Variants in CCDC149 observed in about 807,000 individuals in gnomAD.
CCDC149 encodes coiled-coil domain containing 149.
In CCDC149, 45 loss-of-function variants were observed where a neutral mutation model predicts 59.9. The observed-to-expected ratio is 0.75, with a 90% CI of 0.59 to 0.96. The LOEUF (loss-of-function observed/expected upper bound fraction) is 0.96, where lower values mean the gene tolerates loss of function less well. Among genes scored for constraint, CCDC149 ranks in the 40% least tolerant of loss-of-function variants. CCDC149 has a pLI of 0.00. For synonymous variants in CCDC149, 245 were observed against 260.6 expected (o/e 0.94, Z 0.58); for missense variants, 584 against 664.7 (o/e 0.88, Z 1.33).
intron 1 of CCDC149, chr4:24,895,163 G>T: frequency 2.6e-6 from 2 of 756,864 alleles, no homozygotes; most frequent in Non-Finnish European, 4.5e-6. Context: ...GATACTGGAA[G>T]TCAGAATAAT....
In CCDC149 at chr4:24,912,823, C is replaced by T. The variant is rs747282500; in HGVS notation, c.57G>A (p.Val19=). 16 of 1,360,022 alleles carry T rather than the reference C, an allele frequency of 1.2e-5. No homozygotes were observed. The highest frequency in any genetic ancestry group is 1.2e-5 in the Non-Finnish European group (13 of 1,041,850). The allele number at this position is 1,360,022 out of a possible 1,614,324, so 84.2% of individuals were successfully genotyped here. Residue 19 remains valine (V), a synonymous_variant, in exon 1 of 13, where the codon GTG becomes GTA. Coordinates refer to ENST00000635206, the MANE Select transcript of CCDC149 (RefSeq NM_001330643.2). The stretch of plus-strand genomic sequence containing the variant: ...GCCGGCGCCGCGGCCTCACCTCGCT[C>T]ACCAGCCCCTGCCAGTCGCTCTCAG...
At chr4:24,904,207 C>T (rs1721342394) in intron 1 of CCDC149, among the ~76,000 whole-genome samples, 1 of 152,142 alleles carries the variant, frequency 6.6e-6, no homozygotes, top group South Asian at 2.1e-4. Context: ...AATATGTGCA[C>T]ATTTTAATAT....
rs1577368184 is a variant in CCDC149 at position 24,807,547 on chromosome 4, C to T, written c.*842G>A. ...CCAAACCTGAAATGGCCATACAATC[C>T]TGTATGTGAGACAGGCTGAATGCAG... is the stretch of plus-strand genomic sequence containing the variant. On this transcript the variant is annotated 3_prime_UTR_variant, in exon 13 of 13. Coordinates refer to ENST00000635206, the MANE Select transcript of CCDC149 (RefSeq NM_001330643.2). The T allele has an allele frequency of 6.6e-6, 1 of 152,258 alleles. No homozygotes were observed. The highest frequency in any genetic ancestry group is 2.4e-5 in the African/African-American group (1 of 41,532). 9.4% of individuals were successfully genotyped at this position (152,258 alleles called of 1,614,324 possible).
At chr4:24,909,568 G>C (rs564730392) in intron 1 of CCDC149, among the ~76,000 whole-genome samples, 28 of 152,276 alleles carry the variant, frequency 1.8e-4, no homozygotes, top group African/African-American at 6.5e-4. Context: ...TTAGTTTCTT[G>C]TGGCTGCTTG....
At chr4:24,962,487 C>T (rs555905685) in intron 1 of CCDC149, among the ~76,000 whole-genome samples, 6 of 152,266 alleles carry the variant, frequency 3.9e-5, no homozygotes, top group East Asian at 1.9e-4. Context: ...CTATACCCAG[C>T]GGACTATCCG....
At chr4:24,944,293 G>T (rs1368604586) in intron 1 of CCDC149, among the ~76,000 whole-genome samples, 1 of 151,758 alleles carries the variant, frequency 6.6e-6, no homozygotes, top group Non-Finnish European at 1.5e-5. Flanking sequence ...GCAAACTATC[G>T]CAAGGACTAA....
intron 12 of CCDC149, among the ~76,000 whole-genome samples, chr4:24,812,778 T>C (rs1714712508): frequency 6.6e-6 from 1 of 152,212 alleles, no homozygotes; most frequent in Non-Finnish European, 1.5e-5. Context: ...ACATCTTATA[T>C]GGCAGCAGGC....
intron 1 of CCDC149, chr4:24,894,927 A>G (rs2109294427): frequency 2.6e-6 from 4 of 1,529,922 alleles, no homozygotes; most frequent in East Asian, 2.5e-5. Flanking sequence ...GATAGTGGGG[A>G]AAAATACAGC....
intron 4 of CCDC149, among the ~76,000 whole-genome samples, chr4:24,843,148 A>G (rs1002469137): frequency 4.6e-5 from 7 of 152,250 alleles, no homozygotes; most frequent in African/African-American, 1.2e-4. Context: ...ATCACTGTCC[A>G]TGTAACTTCA....
At chr4:24,916,926 C>T (rs922337937), upstream of CCDC149, among the ~76,000 whole-genome samples, 7 of 152,046 alleles carry the variant, frequency 4.6e-5, no homozygotes, top group African/African-American at 9.7e-5. Context: ...TTCATTTGCT[C>T]TTGGTTTTAA....
At chr4:24,893,612 A>AATTTTTT (rs1560241640) in intron 1 of CCDC149, among the ~76,000 whole-genome samples, 2 of 9,376 alleles carry the variant, frequency 2.1e-4, no homozygotes, top group Non-Finnish European at 2.3e-4. Context: ...TAAAATACAG[A>AATTTTTT]CTTTTTTTTT....
chr4:24,903,024 CAAAA>C (rs10646050), intron 1 of CCDC149, among the ~76,000 whole-genome samples: 641 of 52,480 alleles, frequency 0.012, 6 homozygotes, highest in Middle Eastern at 0.017. Context: ...GAGTCTAACT[CAAAA>C]AAAAAAAAAA....
At chr4:24,954,753 C>A (rs1723413860) in intron 1 of CCDC149, among the ~76,000 whole-genome samples, 2 of 152,300 alleles carry the variant, frequency 1.3e-5, no homozygotes, top group African/African-American at 4.8e-5. Flanking sequence ...ATAAGCATGG[C>A]AGCACTGAAG....
Position 24,888,902 on chromosome 4 carries a change from T to C in CCDC149, c.64-12205A>G, listed in dbSNP as rs537288599. Among the ~76,000 whole-genome samples, 28 of 150,892 alleles carry C rather than the reference T, an allele frequency of 1.9e-4. No homozygotes were observed. The East Asian group carries it at 4.0e-3, about 22-fold the overall frequency. On this transcript the variant is annotated intron_variant, in intron 1 of 12. Coordinates refer to ENST00000635206, the MANE Select transcript of CCDC149 (RefSeq NM_001330643.2). ...TGGTAGCTTAATGATTCTAATGCCA[T>C]TCTCTAAGATGACTTTTTTTTTTTT...
intron 1 of CCDC149, among the ~76,000 whole-genome samples, chr4:24,973,075 A>G (rs1354735465): frequency 6.6e-6 from 1 of 152,180 alleles, no homozygotes; most frequent in Non-Finnish European, 1.5e-5. Context: ...TTAGATAATA[A>G]CTTAATTCTT....
chr4:24,923,415 G>A (rs767808217), intron 1 of CCDC149, among the ~76,000 whole-genome samples: 4 of 152,208 alleles, frequency 2.6e-5, no homozygotes, highest in Non-Finnish European at 5.9e-5. Flanking sequence ...CTATAGTATA[G>A]TGGGGAAGCA....
chr4:24,805,258 G>A (rs139814058), downstream of CCDC149, among the ~76,000 whole-genome samples: 14 of 152,210 alleles, frequency 9.2e-5, no homozygotes, highest in African/African-American at 2.2e-4. Context: ...CAATCCAGCC[G>A]GAAAAATAAT....
intron 3 of CCDC149, among the ~76,000 whole-genome samples, chr4:24,860,953 C>A (rs764885661): frequency 8.6e-5 from 13 of 151,996 alleles, no homozygotes; most frequent in Admixed American, 1.3e-4. Flanking sequence ...ATTTAAAAAT[C>A]AAAAAATAAT....
At chr4:24,845,304 G>A (rs1717213456) in intron 4 of CCDC149, among the ~76,000 whole-genome samples, 1 of 152,156 alleles carries the variant, frequency 6.6e-6, no homozygotes, top group African/African-American at 2.4e-5. Context: ...TTCCTTCAGG[G>A]CTCTGTGTCA....
Sources: gnomAD v4.1 joint callset for allele counts (sites outside exome capture counted in the v4.1 genomes callset) on GRCh38, gnomAD v4.1.1 for gene constraint, MANE v1.5 for transcripts, NCBI Gene and HGNC (gene_info 2026-07-23, HGNC 2026-07-21) for gene names.